Variants in DLGAP2 observed in about 807,000 individuals in gnomAD.
The protein encoded by DLGAP2 is DLG associated protein 2.
In DLGAP2, 26 loss-of-function variants were observed where a neutral mutation model predicts 100.3. The ratio of observed to expected loss-of-function variants is 0.26; its 90% confidence interval spans 0.19 to 0.36. The LOEUF is 0.36. Ranked by LOEUF, DLGAP2 falls within the 10% of genes least tolerant of loss-of-function variation. The pLI is 1.00. For missense variants in DLGAP2, 1,858 were observed against 1,453.2 expected (o/e 1.28, Z -4.53); for synonymous variants, 886 against 630.1 (o/e 1.41, Z -6.08).
chr8:1,620,697 C>T (rs943778053), intron 6 of DLGAP2, among the ~76,000 whole-genome samples: 1 of 152,104 alleles, frequency 6.6e-6, no homozygotes, highest in South Asian at 2.1e-4. Flanking sequence ...TCATGAGAAA[C>T]CAGCTCAAGT....
At chr8:1,471,633 A>C (rs1270916027) in intron 3 of DLGAP2, among the ~76,000 whole-genome samples, 1 of 151,248 alleles carries the variant, frequency 6.6e-6, no homozygotes, top group Non-Finnish European at 1.5e-5. Context: ...TCCCTGAATT[A>C]AGGGATCCTC....
intron 2 of DLGAP2, among the ~76,000 whole-genome samples, chr8:1,009,226 T>G (rs1312826796): frequency 6.6e-6 from 1 of 152,148 alleles, no homozygotes; most frequent in Admixed American, 6.5e-5. Context: ...AAAACTCTCC[T>G]TCCTCCCCTC....
chr8:1,595,653 G>C (rs1340525529), intron 6 of DLGAP2, among the ~76,000 whole-genome samples: 1 of 131,438 alleles, frequency 7.6e-6, no homozygotes, highest in African/African-American at 2.9e-5. Context: ...CCGCCTGGGC[G>C]ACAGAGCGAG....
At chr8:988,380 C>G (rs146728362) in intron 2 of DLGAP2, among the ~76,000 whole-genome samples, 2 of 152,192 alleles carry the variant, frequency 1.3e-5, no homozygotes, top group Non-Finnish European at 2.9e-5. Context: ...TTCTTCTCTC[C>G]GAAGCTGCAG....
At chr8:918,800 T>C (rs969326597) in intron 2 of DLGAP2, among the ~76,000 whole-genome samples, 4 of 152,234 alleles carry the variant, frequency 2.6e-5, no homozygotes, top group Admixed American at 1.3e-4. Context: ...CTAGCTTGAA[T>C]TGAAGACAAA....
chr8:1,009,460 A>T (rs1487282475), intron 2 of DLGAP2, among the ~76,000 whole-genome samples: 1 of 152,192 alleles, frequency 6.6e-6, no homozygotes, highest in East Asian at 1.9e-4. Flanking sequence ...CCTAGGACAG[A>T]CTTTTGGTAT....
chr8:1,198,719 T>C (rs894174381), intron 2 of DLGAP2, among the ~76,000 whole-genome samples: 1 of 152,150 alleles, frequency 6.6e-6, no homozygotes, highest in Non-Finnish European at 1.5e-5. Context: ...AAGAGACACG[T>C]GTGCCTGGGT....
At chr8:876,605 C>T (rs1797690510) in intron 1 of DLGAP2, among the ~76,000 whole-genome samples, 1 of 152,176 alleles carries the variant, frequency 6.6e-6, no homozygotes, top group South Asian at 2.1e-4. Context: ...TGTGACTTAT[C>T]TGTTTGTAAC....
chr8:1,625,775 A>G (rs1274135317), intron 6 of DLGAP2, among the ~76,000 whole-genome samples: 3 of 152,254 alleles, frequency 2.0e-5, no homozygotes, highest in Non-Finnish European at 4.4e-5. Context: ...ACCTGGCCAT[A>G]AAATCTCAGG....
intron 2 of DLGAP2, among the ~76,000 whole-genome samples, chr8:1,169,975 A>G (rs1797094892): frequency 6.6e-6 from 1 of 151,908 alleles, no homozygotes; most frequent in Non-Finnish European, 1.5e-5. Context: ...TTCAAAGGGA[A>G]TGCTTCCAGT....
chr8:1,570,620 C>G (rs1048190621), intron 6 of DLGAP2, among the ~76,000 whole-genome samples: 8 of 152,068 alleles, frequency 5.3e-5, no homozygotes, highest in Non-Finnish European at 1.2e-4. Flanking sequence ...GAGGCGTCTG[C>G]TGGGATGGAG....
chr8:1,268,192 A>C (rs147671944), intron 3 of DLGAP2, among the ~76,000 whole-genome samples: 1 of 152,156 alleles, frequency 6.6e-6, no homozygotes, highest in African/African-American at 2.4e-5. Context: ...TTTTACCTCC[A>C]TGATAGTCTC....
chr8:1,480,896 G>A (rs188683510), intron 3 of DLGAP2, among the ~76,000 whole-genome samples: 11 of 151,810 alleles, frequency 7.2e-5, no homozygotes, highest in South Asian at 4.2e-4. Flanking sequence ...GAAAAGGCTG[G>A]GAAGGGTGGC....
At chr8:1,673,634 T>A (rs1247529226) in intron 10 of DLGAP2, among the ~76,000 whole-genome samples, 2 of 152,236 alleles carry the variant, frequency 1.3e-5, no homozygotes, top group Admixed American at 6.5e-5. Flanking sequence ...AATTTGCATT[T>A]GCTGTGGACG....
intron 3 of DLGAP2, among the ~76,000 whole-genome samples, chr8:1,317,431 A>C (rs1280764841): frequency 2.1e-4 from 26 of 124,228 alleles, no homozygotes; most frequent in South Asian, 5.4e-4. Flanking sequence ...ACACTCGAGA[A>C]ACTTCGCAGC....
At chr8:1,327,531 T>G (rs1382919847) in intron 3 of DLGAP2, among the ~76,000 whole-genome samples, 1 of 152,190 alleles carries the variant, frequency 6.6e-6, no homozygotes, top group Non-Finnish European at 1.5e-5. Flanking sequence ...TTAAAAAGTT[T>G]AAATCTCTTG....
intron 3 of DLGAP2, among the ~76,000 whole-genome samples, chr8:1,387,613 C>A (rs1334917831): frequency 6.6e-6 from 1 of 152,112 alleles, no homozygotes; most frequent in Non-Finnish European, 1.5e-5. Context: ...TATGTTCTAC[C>A]CCACAGAAAA....
chr8:897,739 G>A (rs1205983191), intron 1 of DLGAP2, among the ~76,000 whole-genome samples: 1 of 152,048 alleles, frequency 6.6e-6, no homozygotes, highest in African/African-American at 2.4e-5. Context: ...TTTCGGGTGA[G>A]CCAGAAGCGA....
intron 4 of DLGAP2, among the ~76,000 whole-genome samples, chr8:1,529,723 G>A (rs1388079890): frequency 6.6e-6 from 1 of 152,178 alleles, no homozygotes; most frequent in Non-Finnish European, 1.5e-5. Context: ...ACTTATCAGG[G>A]AACCTGCCCC....
Sources: allele counts gnomAD v4.1 joint callset (sites outside exome capture counted in the v4.1 genomes callset), GRCh38; gene constraint gnomAD v4.1.1; transcripts MANE v1.5; gene names NCBI Gene and HGNC (gene_info 2026-07-23, HGNC 2026-07-21).